The following OLA1 variants were observed in gnomAD, a reference collection of about 807,000 sequenced individuals.
OLA1 encodes the protein Obg like ATPase 1, also known as obg-like ATPase 1.
Under a neutral mutation model 48.4 loss-of-function variants are expected in OLA1, and 14 were observed. The observed-to-expected ratio is 0.29, with a 90% CI of 0.19 to 0.45. The LOEUF is 0.45. Ranked by LOEUF, OLA1 falls within the 20% of genes least tolerant of loss-of-function variation. The pLI, the probability that OLA1 is intolerant of heterozygous loss-of-function variation, is 1.00. For synonymous variants in OLA1, 127 were observed against 150.4 expected (o/e 0.84, Z 1.14); for missense variants, 325 against 467.1 (o/e 0.70, Z 2.80).
intron 4 of OLA1, among the ~76,000 whole-genome samples, chr2:174,144,951 A>AAAAAAATATATAT (rs1181030817): frequency 3.5e-4 from 14 of 40,296 alleles, no homozygotes; most frequent in Non-Finnish European, 5.2e-4. Flanking sequence ...AAAAAAAAAA[A>AAAAAAATATATAT]ATATATATAT....
chr2:174,222,134 T>C (rs1025394685), intron 4 of OLA1, among the ~76,000 whole-genome samples: 1 of 152,156 alleles, frequency 6.6e-6, no homozygotes, highest in African/African-American at 2.4e-5. Flanking sequence ...ACCAACCTGA[T>C]TCTAGGCAAA....
intron 5 of OLA1, among the ~76,000 whole-genome samples, chr2:174,126,103 G>A (rs954579462): frequency 6.6e-6 from 1 of 151,912 alleles, no homozygotes; most frequent in Non-Finnish European, 1.5e-5. Flanking sequence ...GTTTCAATGT[G>A]CTCTTTTTCT....
intron 4 of OLA1, among the ~76,000 whole-genome samples, chr2:174,175,247 G>A (rs181608918): frequency 1.4e-5 from 2 of 145,260 alleles, no homozygotes; most frequent in Non-Finnish European, 1.5e-5. Context: ...AAAATCAACT[G>A]ATAAAATGAA....
chr2:174,240,295 C>A (rs765481712), intron 2 of OLA1: 1 of 152,122 alleles, frequency 6.6e-6, no homozygotes, highest in African/African-American at 2.4e-5. Flanking sequence ...TGATAGGTCA[C>A]CATATTGATG....
At chr2:174,103,528 C>A (rs577368179) in intron 7 of OLA1, among the ~76,000 whole-genome samples, 9 of 152,260 alleles carry the variant, frequency 5.9e-5, no homozygotes, top group Admixed American at 5.9e-4. Flanking sequence ...ACAGCCTATC[C>A]ACCTGTGCTC....
intron 5 of OLA1, among the ~76,000 whole-genome samples, chr2:174,137,311 T>C (rs1686332368): frequency 6.6e-6 from 1 of 152,216 alleles, no homozygotes; most frequent in East Asian, 1.9e-4. Flanking sequence ...CAGTGAACCA[T>C]GCTGTAAACA....
At chr2:174,139,970 T>C (rs1686405684) in intron 5 of OLA1, among the ~76,000 whole-genome samples, 1 of 152,026 alleles carries the variant, frequency 6.6e-6, no homozygotes, top group Non-Finnish European at 1.5e-5. Context: ...CATTAAAAAG[T>C]CAGCTCATGT....
chr2:174,174,374 C>A (rs984558509), intron 4 of OLA1, among the ~76,000 whole-genome samples: 2 of 151,832 alleles, frequency 1.3e-5, no homozygotes, highest in East Asian at 3.9e-4. Flanking sequence ...GCTTACCAAT[C>A]AAAAATCAGT....
In OLA1 at chr2:174,147,986, G is replaced by C. The variant is rs1315568055; in HGVS notation, c.374-5986C>G. Among the ~76,000 whole-genome samples, 4 of 152,282 alleles carry C rather than the reference G, an allele frequency of 2.6e-5. No individual in the cohort carries two copies. In the East Asian group the frequency reaches 7.7e-4, roughly 29 times the overall value. On this transcript the variant is annotated intron_variant, in intron 4 of 10. Transcript: ENST00000284719. ...TTTCAGGTGCGTGCCACCATGTGTGGCTTTTCTGTACTTTCAGTAGACGGG... is the reference window on the plus strand; with the variant it reads ...TTTCAGGTGCGTGCCACCATGTGTGCCTTTTCTGTACTTTCAGTAGACGGG...
intron 5 of OLA1, among the ~76,000 whole-genome samples, chr2:174,129,234 G>A (rs1001634277): frequency 1.4e-4 from 21 of 152,002 alleles, no homozygotes; most frequent in Admixed American, 5.9e-4. Flanking sequence ...CGAGGCAGGC[G>A]GATCACGAGG....
intron 4 of OLA1, among the ~76,000 whole-genome samples, chr2:174,176,720 T>C (rs942203539): frequency 5.3e-5 from 8 of 152,054 alleles, no homozygotes; most frequent in Admixed American, 6.6e-5. Context: ...GACAAAGAGC[T>C]CTTTACCACA....
At chr2:174,144,119 A>G (rs1686524136) in intron 4 of OLA1, among the ~76,000 whole-genome samples, 1 of 152,108 alleles carries the variant, frequency 6.6e-6, no homozygotes, top group Admixed American at 6.5e-5. Context: ...TTGTCAAGCA[A>G]AAACAAAAAC....
At chr2:174,168,915 C>T (rs577987503) in intron 4 of OLA1, among the ~76,000 whole-genome samples, 58 of 150,874 alleles carry the variant, frequency 3.8e-4, no homozygotes, top group African/African-American at 1.3e-3. Flanking sequence ...ACGAACAGAG[C>T]CTCAGGGACC....
chr2:174,198,078 C>T (rs899029888), intron 4 of OLA1, among the ~76,000 whole-genome samples: 6 of 152,188 alleles, frequency 3.9e-5, no homozygotes, highest in Non-Finnish European at 5.9e-5. Flanking sequence ...ATTCTCCTGC[C>T]TCAGCACCCC....
intron 3 of OLA1, among the ~76,000 whole-genome samples, chr2:174,227,727 A>C (rs1688645939): frequency 6.6e-6 from 1 of 152,254 alleles, no homozygotes; most frequent in Non-Finnish European, 1.5e-5. Context: ...CTGAATAAAT[A>C]CATGAATGAA....
chr2:174,123,480 T>C, intron 6 of OLA1, 115 bp downstream of exon 6: 1 of 674,276 alleles, frequency 1.5e-6, no homozygotes, highest in Admixed American at 3.1e-5. Context: ...AAGCAATCAC[T>C]GACAGAAATA....
chr2:174,185,299 C>T (rs998860827), intron 4 of OLA1, among the ~76,000 whole-genome samples: 4 of 152,118 alleles, frequency 2.6e-5, no homozygotes, highest in Non-Finnish European at 5.9e-5. Flanking sequence ...CACATATTCT[C>T]AAGGTTAACT....
chr2:174,098,059 C>T (rs1028661748), intron 7 of OLA1, among the ~76,000 whole-genome samples: 3 of 152,092 alleles, frequency 2.0e-5, no homozygotes, highest in South Asian at 4.1e-4. Context: ...AATTTGAGCA[C>T]AGGGGAGAAA....
At chr2:174,127,843 G>A (rs1034808849) in intron 5 of OLA1, among the ~76,000 whole-genome samples, 2 of 151,964 alleles carry the variant, frequency 1.3e-5, no homozygotes, top group African/African-American at 4.8e-5. Context: ...TCTCTATCCT[G>A]TCCAATACTG....
Sources: allele counts gnomAD v4.1 joint callset (sites outside exome capture counted in the v4.1 genomes callset), GRCh38; gene constraint gnomAD v4.1.1; transcripts MANE v1.5; gene names NCBI Gene and HGNC (gene_info 2026-07-23, HGNC 2026-07-21).